ATF2: variants seen among roughly 807,000 people sequenced by gnomAD.
ATF2 encodes cyclic AMP-dependent transcription factor ATF-2.
In ATF2, 24 loss-of-function variants were observed where a neutral mutation model predicts 60.6. That is an observed-to-expected ratio of 0.40 (90% confidence interval 0.29 to 0.56). ATF2 has a LOEUF of 0.56. Ranked by LOEUF, ATF2 falls within the 20% of genes least tolerant of loss-of-function variation. ATF2 has a pLI of 0.54. For synonymous variants in ATF2, 206 were observed against 215.4 expected, an observed-to-expected ratio of 0.96 and a Z score of 0.38; for missense variants, 433 against 607.7, an observed-to-expected ratio of 0.71 and a Z score of 3.02.
intron 3 of ATF2, among the ~76,000 whole-genome samples, chr2:175,131,170 T>C (rs1274083427): frequency 3.9e-5 from 6 of 152,200 alleles, no homozygotes; most frequent in African/African-American, 1.4e-4. Flanking sequence ...TTATCCAAAA[T>C]ATTTATTGCT....
At chr2:175,135,779 C>T (rs1000271250) in intron 3 of ATF2, among the ~76,000 whole-genome samples, 1 of 152,126 alleles carries the variant, frequency 6.6e-6, no homozygotes, top group Admixed American at 6.5e-5. Context: ...TAAAAGTTCT[C>T]AATTAATTAT....
intron 1 of ATF2, among the ~76,000 whole-genome samples, chr2:175,152,329 C>A (rs146805041): frequency 9.2e-5 from 14 of 152,156 alleles, no homozygotes; most frequent in Non-Finnish European, 2.1e-4. Flanking sequence ...ACCAGAATGA[C>A]AACATAAGAG....
chr2:175,101,688 C>T (rs1254060625), intron 10 of ATF2, among the ~76,000 whole-genome samples: 2 of 152,078 alleles, frequency 1.3e-5, no homozygotes, highest in African/African-American at 4.8e-5. Flanking sequence ...CAAGTTACTA[C>T]CTTATAAAGC....
At chr2:175,141,684 G>A (rs967724972) in intron 2 of ATF2, among the ~76,000 whole-genome samples, 2 of 151,730 alleles carry the variant, frequency 1.3e-5, no homozygotes, top group Admixed American at 6.6e-5. Flanking sequence ...TAGTAGAGAC[G>A]GGGTTTCACC....
intron 1 of ATF2, among the ~76,000 whole-genome samples, chr2:175,162,206 T>C (rs952966645): frequency 1.3e-5 from 2 of 152,342 alleles, no homozygotes; most frequent in East Asian, 1.9e-4. Flanking sequence ...TCAGAAAATA[T>C]GAAATACACA....
At chr2:175,161,763 CTTT>C (rs10710666) in intron 1 of ATF2, among the ~76,000 whole-genome samples, 33 of 134,560 alleles carry the variant, frequency 2.5e-4, no homozygotes, top group Non-Finnish European at 3.1e-4. Flanking sequence ...GAAAGTAACT[CTTT>C]TTTTTTTTTT....
At chr2:175,136,385 T>C in intron 3 of ATF2, 27 bp downstream of exon 3, 1 of 1,604,986 alleles carries the variant, frequency 6.2e-7, no homozygotes, top group Non-Finnish European at 8.5e-7. Flanking sequence ...AAAAAATGGC[T>C]AAAAATACCA....
intron 4 of ATF2, 39 bp downstream of exon 4, chr2:175,130,099 G>A (rs764182985): frequency 9.0e-6 from 12 of 1,339,038 alleles, no homozygotes; most frequent in African/African-American, 7.6e-5. Flanking sequence ...TTTAATAAGT[G>A]GAAATATACA....
At position 175,136,502 on chromosome 2, in the gene ATF2, G is replaced by T; in HGVS notation, c.-43-16C>A. ...GGCAAGAATACTGAAAAACAAAGTG[G>T]TTTCACACTGTTAAAAATAGTTCTG... is the stretch of plus-strand genomic sequence containing the variant. On this transcript the variant is annotated splice_polypyrimidine_tract_variant and intron_variant, in intron 2 of 13. Transcript: ENST00000264110. 1 of 1,442,870 alleles carries T rather than the reference G, an allele frequency of 6.9e-7. No individual in the cohort carries two copies. The highest frequency in any genetic ancestry group is 9.6e-7 in the Non-Finnish European group (1 of 1,037,198). The allele number at this position is 1,442,870 out of a possible 1,614,324, so 89.4% of individuals were successfully genotyped here. A position where few individuals can be genotyped will look rare whatever the true frequency, so the allele number is the denominator to read the frequency against.
chr2:175,135,866 C>A (rs1698106309), intron 3 of ATF2, among the ~76,000 whole-genome samples: 1 of 152,132 alleles, frequency 6.6e-6, no homozygotes, highest in African/African-American at 2.4e-5. Context: ...TTCTGTAACA[C>A]TGTTTCTTTT....
intron 11 of ATF2, among the ~76,000 whole-genome samples, chr2:175,096,968 A>T (rs1176688445): frequency 6.6e-6 from 1 of 152,222 alleles, no homozygotes; most frequent in East Asian, 1.9e-4. Flanking sequence ...TAGTGTTAAT[A>T]GTTACAGTTT....
rs374754905 is a variant in ATF2 at position 175,120,490 on chromosome 2, C to T, written c.199+954G>A. Reference sequence around the variant, plus strand: ...ATACTGTAAGTAGAGGGAAAACCACCGAATATTTGCTTTATTATCTATCCA... The same window carrying T: ...ATACTGTAAGTAGAGGGAAAACCACTGAATATTTGCTTTATTATCTATCCA... On this transcript the variant is annotated intron_variant, in intron 5 of 13. Transcript: ENST00000264110. 5.9e-5 allele frequency among the ~76,000 whole-genome samples: 9 copies of T among 151,460 alleles called. 1 individual carries two copies. The East Asian group carries it at 9.6e-4, about 16-fold the overall frequency.
At chr2:175,107,965 T>A (rs946836528) in intron 10 of ATF2, among the ~76,000 whole-genome samples, 39 of 152,172 alleles carry the variant, frequency 2.6e-4, no homozygotes, top group African/African-American at 9.4e-4. Flanking sequence ...AGTGCCGAGA[T>A]TGCACCCTCT....
At chr2:175,139,374 T>A (rs1385211657) in intron 2 of ATF2, among the ~76,000 whole-genome samples, 2 of 151,820 alleles carry the variant, frequency 1.3e-5, no homozygotes, top group Admixed American at 1.3e-4. Flanking sequence ...CGCTCCAAGG[T>A]TTTAAAGAAA....
At chr2:175,145,589 G>T (rs938441885) in intron 2 of ATF2, among the ~76,000 whole-genome samples, 5 of 152,106 alleles carry the variant, frequency 3.3e-5, no homozygotes, top group African/African-American at 9.7e-5. Context: ...TTTCTTTATA[G>T]CAATGCAAGA....
At chr2:175,157,835 A>G (rs1188213134) in intron 1 of ATF2, among the ~76,000 whole-genome samples, 1 of 152,098 alleles carries the variant, frequency 6.6e-6, no homozygotes, top group Non-Finnish European at 1.5e-5. Flanking sequence ...TCTACTAAAA[A>G]TACAAAAATT....
chr2:175,091,173 A>T (rs1694521473), intron 12 of ATF2, among the ~76,000 whole-genome samples: 1 of 152,196 alleles, frequency 6.6e-6, no homozygotes, highest in Non-Finnish European at 1.5e-5. Flanking sequence ...ACAAAGGAAA[A>T]TAATGGTAAA....
At chr2:175,157,522 A>G (rs1303493422) in intron 1 of ATF2, among the ~76,000 whole-genome samples, 1 of 152,210 alleles carries the variant, frequency 6.6e-6, no homozygotes, top group Non-Finnish European at 1.5e-5. Context: ...ACTCTTACCA[A>G]TTAAACAGCC....
chr2:175,118,220 ACT>A (rs1179574306), intron 6 of ATF2, 29 bp downstream of exon 6: 1 of 1,590,648 alleles, frequency 6.3e-7, no homozygotes. Context: ...TGTCAGAAGT[ACT>A]CTTTTTAAAT....
Sources: allele counts gnomAD v4.1 joint callset (sites outside exome capture counted in the v4.1 genomes callset), GRCh38; gene constraint gnomAD v4.1.1; transcripts MANE v1.5; gene names NCBI Gene and HGNC (gene_info 2026-07-23, HGNC 2026-07-21).